CCNH: variants seen among roughly 807,000 people sequenced by gnomAD.
The protein encoded by CCNH is cyclin H.
Under a neutral mutation model 41.9 loss-of-function variants are expected in CCNH, and 31 were observed. The observed-to-expected ratio is 0.74, with a 90% CI of 0.56 to 1.00. The LOEUF (loss-of-function observed/expected upper bound fraction) is 1.00. Among genes scored for constraint, CCNH ranks in the 50% least tolerant of loss-of-function variants. CCNH has a pLI of 0.00. For missense variants in CCNH, 362 were observed against 388.4 expected (o/e 0.93, Z 0.57); for synonymous variants, 138 against 136.1 (o/e 1.01, Z -0.10).
chr5:87,363,607 G>A (rs1760278123), intron 9 of CCNH: 6 of 1,300,976 alleles, frequency 4.6e-6, no homozygotes, highest in Non-Finnish European at 6.6e-6. Flanking sequence ...TCTTCTAAAA[G>A]TAGCAGATGC....
intron 6 of CCNH, among the ~76,000 whole-genome samples, chr5:87,400,926 GGCACTAATGACAGGGTTTCTCAACACCA>G (rs1437866695): frequency 9.2e-5 from 14 of 152,118 alleles, no homozygotes; most frequent in Admixed American, 9.2e-4. Flanking sequence ...TCTCAACACC[GGCACTAATGACAGGGTTTCTCAACACCA>G]GCACTAATGA....
intron 7 of CCNH, among the ~76,000 whole-genome samples, chr5:87,397,848 T>C (rs576492945): frequency 1.3e-5 from 2 of 152,380 alleles, no homozygotes; most frequent in African/African-American, 4.8e-5. Context: ...TTGCAGGCCC[T>C]ATAACCAGTT....
At chr5:87,367,113 C>T (rs917548145) in intron 9 of CCNH, among the ~76,000 whole-genome samples, 1 of 151,970 alleles carries the variant, frequency 6.6e-6, no homozygotes, top group African/African-American at 2.4e-5. Flanking sequence ...TTTTAAAGTG[C>T]CTTCCTGTGA....
At chr5:87,412,582 A>G in intron 1 of CCNH, 96 bp downstream of exon 1, 1 of 1,519,532 alleles carries the variant, frequency 6.6e-7, no homozygotes, top group Non-Finnish European at 8.9e-7. Flanking sequence ...AGGCAGAGAA[A>G]CGACGGAGCG....
chr5:87,327,812 A>G (rs1464343824), intron 9 of CCNH, among the ~76,000 whole-genome samples: 2 of 152,080 alleles, frequency 1.3e-5, no homozygotes, highest in Non-Finnish European at 2.9e-5. Flanking sequence ...TAAAAATACA[A>G]AAGTTAGCCG....
intron 9 of CCNH, among the ~76,000 whole-genome samples, chr5:87,361,870 C>G (rs1016632392): frequency 3.3e-5 from 5 of 151,672 alleles, no homozygotes; most frequent in South Asian, 2.1e-4. Context: ...ATATGTACAT[C>G]CTACAATAAA....
rs576576828 is a variant in CCNH, at chr5:87,397,169, G to GT, written c.873-2066dup. Among the ~76,000 whole-genome samples, 1,036 of 144,032 alleles carry GT rather than the reference G, an allele frequency of 7.2e-3. 4 individuals are homozygous for GT. The highest frequency in any genetic ancestry group is 8.0e-3 in the East Asian group (40 of 4,994). 94.5% of individuals were successfully genotyped at this position (144,032 alleles called of 152,430 possible). A position where few individuals can be genotyped will look rare whatever the true frequency, so the allele number is the denominator to read the frequency against. On this transcript the variant is annotated intron_variant, in intron 7 of 8. Coordinates refer to ENST00000256897, the MANE Select transcript of CCNH (RefSeq NM_001239.4). ...AATTGTGTTTCATAATTTTTTTTTT[G>GT]TTTTTTTTTTTGAGACAGAGTCTTG...
chr5:87,332,753 T>A, intron 9 of CCNH: 1 of 1,112,686 alleles, frequency 9.0e-7, no homozygotes. Flanking sequence ...GTATTTGTTG[T>A]ATTAAATTTT....
Position 87,395,104 on chromosome 5 carries a change from C to A in CCNH, c.873G>T (p.Thr291=). The change falls in exon 8 of 9, where the codon ACG becomes ACT. Residue 291 remains threonine (T), a splice_region_variant and synonymous_variant. Transcript: ENST00000256897. ...HSAELALNVI[T]KKRKGYEDDD... ...CATCTTCATAGCCTTTCCTCTTCTT[C>A]CTATAATTAAGCAACTATCAATAAG... is the stretch of plus-strand genomic sequence containing the variant. The A allele has an allele frequency of 6.2e-7, 1 of 1,608,782 alleles. No homozygotes were observed.
chr5:87,386,972 G>A, downstream of CCNH: 1 of 1,353,724 alleles, frequency 7.4e-7, no homozygotes, highest in South Asian at 1.2e-5. Context: ...ACCCATTTAA[G>A]CAGCAATCTT....
chr5:87,338,241 G>T, intron 9 of CCNH: 4 of 1,261,680 alleles, frequency 3.2e-6, no homozygotes, highest in Non-Finnish European at 4.4e-6. Flanking sequence ...CTGTTTGTTA[G>T]TATGGAACAT....
intron 6 of CCNH, 52 bp from the exon 7 acceptor site, chr5:87,399,557 A>C: frequency 8.9e-6 from 10 of 1,129,578 alleles, no homozygotes; most frequent in Non-Finnish European, 1.2e-5. Context: ...CCTCCTTCTC[A>C]TAGTAAGGGA....
At chr5:87,333,171 A>G (rs1757719047) in intron 9 of CCNH, 2 of 1,515,636 alleles carry the variant, frequency 1.3e-6, no homozygotes, top group South Asian at 2.6e-5. Context: ...TGGAGTTTCT[A>G]ATGTGAATTT....
chr5:87,398,134 G>C (rs778977660), intron 7 of CCNH, among the ~76,000 whole-genome samples: 1 of 152,162 alleles, frequency 6.6e-6, no homozygotes, highest in Non-Finnish European at 1.5e-5. Flanking sequence ...TGAAACCGAG[G>C]AGTGAATGAA....
downstream of CCNH, chr5:87,387,039 C>T (rs1762111099): frequency 4.1e-6 from 3 of 738,414 alleles, no homozygotes; most frequent in Non-Finnish European, 6.8e-6. Context: ...TTTTTGTCTG[C>T]CTTCCTAAAC....
intron 5 of CCNH, among the ~76,000 whole-genome samples, chr5:87,404,490 T>A (rs137892294): frequency 6.6e-6 from 1 of 152,336 alleles, no homozygotes; most frequent in African/African-American, 2.4e-5. Flanking sequence ...AATATTTAAC[T>A]TCCGCGTGTC....
At chr5:87,331,377 T>C in intron 9 of CCNH, 1 of 1,612,260 alleles carries the variant, frequency 6.2e-7, no homozygotes, top group Non-Finnish European at 8.5e-7. Context: ...GACAGAACGA[T>C]AGCAGAAGAA....
intron 9 of CCNH, among the ~76,000 whole-genome samples, chr5:87,326,657 T>C (rs1757251887): frequency 6.6e-6 from 1 of 152,312 alleles, no homozygotes; most frequent in Admixed American, 6.5e-5. Flanking sequence ...CTCAAGTACA[T>C]ACTATCCTTT....
At chr5:87,392,092 T>C, downstream of CCNH, 1 of 333,248 alleles carries the variant, frequency 3.0e-6, no homozygotes, top group South Asian at 2.7e-5. Context: ...CAATAATTCC[T>C]TCCCTCTCAT....
Sources: gnomAD v4.1 joint callset for allele counts (sites outside exome capture counted in the v4.1 genomes callset) on GRCh38, gnomAD v4.1.1 for gene constraint, MANE v1.5 for transcripts, NCBI Gene and HGNC (gene_info 2026-07-23, HGNC 2026-07-21) for gene names.